The following F10 variants were observed in gnomAD, a reference collection of about 807,000 sequenced individuals.
F10 encodes Stuart-Prower factor.
In F10, 29 loss-of-function variants were observed where a neutral mutation model predicts 37.1. The observed-to-expected ratio is 0.78, with a 90% CI of 0.58 to 1.07. F10 has a LOEUF of 1.07. Ranked by LOEUF, F10 falls within the 50% of genes least tolerant of loss-of-function variation. The pLI is 0.00. For synonymous variants in F10, 262 were observed against 268.6 expected, an observed-to-expected ratio of 0.98 and a Z score of 0.24; for missense variants, 539 against 667.9, an observed-to-expected ratio of 0.81 and a Z score of 2.13.
At position 113,148,399 on chromosome 13, in the gene F10, T is replaced by TACACACAC. The variant is rs10672302; in HGVS notation, c.866-509_866-502dup. Among the ~76,000 whole-genome samples, 265 of 138,618 alleles carry TACACACAC rather than the reference T, an allele frequency of 1.9e-3. 2 individuals carry two copies. The East Asian group carries it at 0.02, about 11-fold the overall frequency. The allele number at this position is 138,618 out of a possible 152,430, so 90.9% of individuals were successfully genotyped here. A position where few individuals can be genotyped will look rare whatever the true frequency, so the allele number is the denominator to read the frequency against. On this transcript the variant is annotated intron_variant, in intron 7 of 7. Coordinates refer to ENST00000375559, the MANE Select transcript of F10 (RefSeq NM_000504.4). ...ATGTGTATATATATATACATATATA[T>TACACACAC]ACACACACACACACAATTTCCATAA... is the stretch of plus-strand genomic sequence containing the variant.
At chr13:113,129,362 G>A (rs779403905) in intron 1 of F10, 90 bp from the exon 2 acceptor site, 77 of 1,522,668 alleles carry the variant, frequency 5.1e-5, no homozygotes, top group Non-Finnish European at 6.7e-5. Flanking sequence ...TCTGGATATG[G>A]CAAGGGACAT....
chr13:113,138,488 AT>A lies in F10; in HGVS notation c.256+13del, dbSNP rs778293383. On this transcript the variant is annotated splice_region_variant and intron_variant, in intron 3 of 7. Transcript: ENST00000375559. ...TTCTGGAATAAATACAAAGGTCAGT[AT>A]TTTTTCTGTTTTAACCTTCAGTGAG... 1.4e-6 allele frequency: 2 copies of A among 1,392,916 alleles called. No homozygotes were observed. Among genetic ancestry groups the A allele is most frequent in the Non-Finnish European group, 2.0e-6 (2 of 983,740 alleles). 86.3% of individuals were successfully genotyped at this position (1,392,916 alleles called of 1,614,324 possible).
intron 1 of F10, among the ~76,000 whole-genome samples, chr13:113,127,797 C>T (rs1261485352): frequency 1.3e-5 from 2 of 152,184 alleles, no homozygotes; most frequent in Non-Finnish European, 2.9e-5. Context: ...GTAATTGAAA[C>T]AGCATCACCA....
In F10 at chr13:113,140,901, C is replaced by T. The variant is rs74945555; in HGVS notation, c.371-18C>T. On this transcript the variant is annotated intron_variant, in intron 4 of 7. Transcript: ENST00000375559. ...TTTCTCCAGCTGTCCCCAGAGCCAACGTGCCTCTCCTTTGCAGTCACACGG... is the reference window on the plus strand; with the variant it reads ...TTTCTCCAGCTGTCCCCAGAGCCAATGTGCCTCTCCTTTGCAGTCACACGG... 774 of 1,613,954 alleles carry T rather than the reference C, an allele frequency of 4.8e-4. 4 individuals are homozygous for T. In the African/African-American group the frequency reaches 9.0e-3, roughly 19 times the overall value.
In F10 at chr13:113,144,984, T is replaced by C. The variant is rs2036567817; in HGVS notation, c.747+889T>C. ...ACCTCCACCTCCCAGGTTCATGTCA[T>C]TCTCCTGCTTCAGCCTCCCGAGTAG... On this transcript the variant is annotated intron_variant, in intron 6 of 7. Coordinates refer to ENST00000375559, the MANE Select transcript of F10 (RefSeq NM_000504.4). This position sits in a 1 kb window ranked among gnomAD's most constrained non-coding sequence, Gnocchi z 6.4. 6.6e-6 allele frequency among the ~76,000 whole-genome samples: 1 copy of C among 152,170 alleles called. No homozygotes were observed. Among genetic ancestry groups the C allele is most frequent in the African/African-American group, 2.4e-5 (1 of 41,436 alleles).
chr13:113,129,180 G>GA (rs1476304320), intron 1 of F10, among the ~76,000 whole-genome samples: 1 of 152,134 alleles, frequency 6.6e-6, no homozygotes, highest in Non-Finnish European at 1.5e-5. Context: ...AGCTGTGCCC[G>GA]AATTCCAAAG....
chr13:113,132,967 A>T (rs1327492729), intron 2 of F10, among the ~76,000 whole-genome samples: 1 of 152,244 alleles, frequency 6.6e-6, no homozygotes, highest in Non-Finnish European at 1.5e-5. Context: ...AGTACTCGGA[A>T]ATTAAGTCAC....
Position 113,146,603 on chromosome 13 carries a change from A to G in F10, c.748-776A>G, listed in dbSNP as rs994978913. 6.6e-6 allele frequency among the ~76,000 whole-genome samples: 1 copy of G among 152,226 alleles called. No individual in the cohort carries two copies. Among genetic ancestry groups the G allele is most frequent in the Non-Finnish European group, 1.5e-5 (1 of 68,032 alleles). Reference sequence around the variant, plus strand: ...CCTGACTTTCCCTCATGTAAGCTGGATGATGAGTTGACAAATTATGCAAAA... The same window carrying G: ...CCTGACTTTCCCTCATGTAAGCTGGGTGATGAGTTGACAAATTATGCAAAA... On this transcript the variant is annotated intron_variant, in intron 6 of 7. Transcript: ENST00000375559. This position sits in a 1 kb window ranked among gnomAD's most constrained non-coding sequence, Gnocchi z 4.5.
intron 5 of F10, among the ~76,000 whole-genome samples, chr13:113,142,874 A>G (rs1178282): frequency 6.6e-6 from 1 of 151,504 alleles, no homozygotes; most frequent in Non-Finnish European, 1.5e-5. Context: ...GGAGGTTGCA[A>G]TGAGCCAAGA....
chr13:113,127,286 G>A (rs1461600589), intron 1 of F10, among the ~76,000 whole-genome samples: 2 of 152,206 alleles, frequency 1.3e-5, no homozygotes, highest in African/African-American at 2.4e-5. Context: ...GACATGGAGA[G>A]TTTGGAGTTC....
At chr13:113,145,423 A>G (rs929549538) in intron 6 of F10, among the ~76,000 whole-genome samples, 1 of 151,642 alleles carries the variant, frequency 6.6e-6, no homozygotes, top group Non-Finnish European at 1.5e-5. Context: ...AACTAGAAAT[A>G]CATTAAACAA....
At chr13:113,148,697 G>A (rs2138556630) in intron 7 of F10, among the ~76,000 whole-genome samples, 1 of 152,274 alleles carries the variant, frequency 6.6e-6, no homozygotes, top group East Asian at 1.9e-4. Context: ...GCCGTCTAAA[G>A]AACCAAACGT....
Position 113,139,479 on chromosome 13 carries a change from C to A in F10, c.370+9C>A, listed in dbSNP as rs770348936. The A allele has an allele frequency of 6.2e-7, 1 of 1,607,868 alleles. No individual in the cohort carries two copies. Among genetic ancestry groups the A allele is most frequent in the Admixed American group, 1.7e-5 (1 of 59,982 alleles). ...CAAAAACTGTGAATTATGTAGGTTC[C>A]TCTGCTTGGTATACCTTCAGATCAG... On this transcript the variant is annotated intron_variant, in intron 4 of 7. Transcript: ENST00000375559. This position sits in a 1 kb window ranked among gnomAD's most constrained non-coding sequence, Gnocchi z 5.2.
In F10 at chr13:113,143,702, TGGGG is replaced by T; in HGVS notation, c.503-148_503-145del. ...GCAGATCCGACCCCTGCCGACGACG[TGGGG>T]CCTCGCCCTGCAAGCCCGCTGCCCC... is the stretch of plus-strand genomic sequence containing the variant. On this transcript the variant is annotated intron_variant, in intron 5 of 7. Coordinates refer to ENST00000375559, the MANE Select transcript of F10 (RefSeq NM_000504.4). This position sits in a 1 kb window ranked among gnomAD's most constrained non-coding sequence, Gnocchi z 6.8. 7.7e-5 allele frequency: 89 copies of T among 1,153,498 alleles called. No individual in the cohort carries two copies. Among genetic ancestry groups the T allele is most frequent in the South Asian group, 3.3e-4 (19 of 56,718 alleles). The allele number at this position is 1,153,498 out of a possible 1,614,324, so 71.5% of individuals were successfully genotyped here.
At chr13:113,122,949 C>T (rs2036333729) in intron 1 of F10, 24 bp downstream of exon 1, 2 of 1,606,700 alleles carry the variant, frequency 1.2e-6, no homozygotes, top group South Asian at 1.1e-5. Flanking sequence ...GCCCTTCAGA[C>T]CCAAAAGCAG....
intron 3 of F10, 39 bp downstream of exon 3, chr13:113,138,520 T>C: frequency 2.3e-6 from 3 of 1,291,316 alleles, no homozygotes; most frequent in Non-Finnish European, 3.4e-6. Flanking sequence ...GTGAGAGGGG[T>C]TCATCAGGAT....
At chr13:113,138,009 C>T (rs180809647) in intron 2 of F10, among the ~76,000 whole-genome samples, 5 of 152,262 alleles carry the variant, frequency 3.3e-5, no homozygotes, top group East Asian at 3.9e-4. Flanking sequence ...CATTTTTTAG[C>T]GTAATCTAGG....
At chr13:113,126,096 G>T (rs1448852679) in intron 1 of F10, among the ~76,000 whole-genome samples, 1 of 152,234 alleles carries the variant, frequency 6.6e-6, no homozygotes, top group African/African-American at 2.4e-5. Flanking sequence ...GCAGAGCCCA[G>T]TGTGGCAGAG....
At chr13:113,127,963 G>A (rs2142249907) in intron 1 of F10, among the ~76,000 whole-genome samples, 1 of 152,268 alleles carries the variant, frequency 6.6e-6, no homozygotes, top group Middle Eastern at 3.4e-3. Flanking sequence ...GCCAGCGTGA[G>A]CATGTGAGGA....
Sources: gnomAD v4.1 joint callset for allele counts (sites outside exome capture counted in the v4.1 genomes callset) on GRCh38, gnomAD v4.1.1 for gene constraint, Gnocchi (gnomAD v3.1) non-coding constraint, MANE v1.5 for transcripts, NCBI Gene and HGNC (gene_info 2026-07-23, HGNC 2026-07-21) for gene names.